FLRT2: variants seen among roughly 807,000 people sequenced by gnomAD.
The protein encoded by FLRT2 is leucine-rich repeat transmembrane protein FLRT2.
Under a neutral mutation model 40.0 loss-of-function variants are expected in FLRT2, and 15 were observed. The ratio of observed to expected loss-of-function variants is 0.38; its 90% CI spans 0.25 to 0.58. The LOEUF is 0.58. Ranked by LOEUF, FLRT2 falls within the 20% of genes least tolerant of loss-of-function variation. FLRT2 has a pLI of 0.71. For missense variants in FLRT2, 726 were observed against 840.0 expected (o/e 0.86, Z 1.68); for synonymous variants, 380 against 336.8 (o/e 1.13, Z -1.41).
At chr14:85,599,113 G>GT (rs1167821866) in intron 1 of FLRT2, among the ~76,000 whole-genome samples, 1 of 151,328 alleles carries the variant, frequency 6.6e-6, no homozygotes, top group African/African-American at 2.4e-5. Context: ...GTAGAGACAG[G>GT]TTTTCACTGT....
chr14:85,567,861 G>A (rs1490340384), intron 1 of FLRT2, among the ~76,000 whole-genome samples: 1 of 151,826 alleles, frequency 6.6e-6, no homozygotes, highest in African/African-American at 2.4e-5. Context: ...GGCTGGTCTC[G>A]AACTCCTGAC....
rs1894309406 is a variant in FLRT2, at chr14:85,646,532, G to C, written c.*23035G>C. On this transcript the variant is annotated 3_prime_UTR_variant, in exon 2 of 2. Coordinates refer to ENST00000330753, the MANE Select transcript of FLRT2 (RefSeq NM_013231.6). The stretch of plus-strand genomic sequence containing the variant: ...AGAAGAAGGTAAAAGTGGGTAGAAT[G>C]GACCATAGTACTTGAATCTTGAGTT... 4 of 152,252 alleles carry C rather than the reference G, an allele frequency of 2.6e-5. No homozygotes were observed. The South Asian group carries it at 8.3e-4, about 32-fold the overall frequency. 9.4% of individuals were successfully genotyped at this position (152,252 alleles called of 1,614,324 possible). A position where few individuals can be genotyped will look rare whatever the true frequency, so the allele number is the denominator to read the frequency against.
At chr14:85,537,785 G>C (rs1025767159) in intron 1 of FLRT2, among the ~76,000 whole-genome samples, 2 of 151,124 alleles carry the variant, frequency 1.3e-5, no homozygotes, top group Admixed American at 1.3e-4. Flanking sequence ...CACTGTACTA[G>C]TAAAATAATC....
intron 1 of FLRT2, among the ~76,000 whole-genome samples, chr14:85,573,004 G>A (rs1446794095): frequency 6.6e-6 from 1 of 151,930 alleles, no homozygotes; most frequent in African/African-American, 2.4e-5. Flanking sequence ...CAGTTTTTTA[G>A]TCATTCCTAT....
intron 1 of FLRT2, among the ~76,000 whole-genome samples, chr14:85,558,691 A>C (rs1470776939): frequency 6.6e-6 from 1 of 152,226 alleles, no homozygotes; most frequent in Non-Finnish European, 1.5e-5. Flanking sequence ...GTAATTGCTC[A>C]GATGAAGGGC....
chr14:85,588,213 C>T (rs1021620059), intron 1 of FLRT2, among the ~76,000 whole-genome samples: 1 of 152,096 alleles, frequency 6.6e-6, no homozygotes, highest in Non-Finnish European at 1.5e-5. Flanking sequence ...CCTCTTATAG[C>T]TTCTTCTCCT....
chr14:85,646,264 T>C lies in FLRT2; in HGVS notation c.*22767T>C, dbSNP rs1319151713. On this transcript the variant is annotated 3_prime_UTR_variant, in exon 2 of 2. Coordinates refer to ENST00000330753, the MANE Select transcript of FLRT2 (RefSeq NM_013231.6). ...ACTTGGATGAAGCTGTAATTGGAAG[T>C]TGAGGACACTGTCATTCAGAATAAG... 6.6e-6 allele frequency: 1 copy of C among 152,194 alleles called. No individual in the cohort carries two copies. The highest frequency in any genetic ancestry group is 1.9e-4 in the East Asian group (1 of 5,186). 9.4% of individuals were successfully genotyped at this position (152,194 alleles called of 1,614,324 possible).
chr14:85,562,620 CTTTTTT>C (rs3830857), intron 1 of FLRT2: 2 of 115,522 alleles, frequency 1.7e-5, no homozygotes, highest in Non-Finnish European at 3.4e-5. Flanking sequence ...TTCTTTCTTT[CTTTTTT>C]TTTTTTTTGA....
chr14:85,579,536 C>T (rs2071870206), intron 1 of FLRT2, among the ~76,000 whole-genome samples: 1 of 152,038 alleles, frequency 6.6e-6, no homozygotes, highest in East Asian at 1.9e-4. Context: ...TCCTGTTGTC[C>T]TCTCTTTTCT....
chr14:85,626,667 C>T lies in FLRT2; in HGVS notation c.*3170C>T, dbSNP rs375731232. The T allele has an allele frequency of 6.0e-6, 1 of 167,052 alleles. No homozygotes were observed. The highest frequency in any genetic ancestry group is 1.5e-5 in the Non-Finnish European group (1 of 68,128). 10.3% of individuals were successfully genotyped at this position (167,052 alleles called of 1,614,324 possible). ...TTAGCAGCCCACTGCATGGGACAATCGCAGGCAGATACGAGGAATGTATCC... is the reference window on the plus strand; with the variant it reads ...TTAGCAGCCCACTGCATGGGACAATTGCAGGCAGATACGAGGAATGTATCC... On this transcript the variant is annotated 3_prime_UTR_variant, in exon 2 of 2. Transcript: ENST00000330753.
intron 1 of FLRT2, among the ~76,000 whole-genome samples, chr14:85,549,497 T>C (rs1889485403): frequency 6.6e-6 from 1 of 152,164 alleles, no homozygotes; most frequent in African/African-American, 2.4e-5. Flanking sequence ...CTGAGGGGAA[T>C]ATCCCATTTC....
chr14:85,549,665 A>C (rs539488302), intron 1 of FLRT2, among the ~76,000 whole-genome samples: 6 of 152,314 alleles, frequency 3.9e-5, no homozygotes, highest in Admixed American at 2.0e-4. Flanking sequence ...AGTAGAGAAA[A>C]AATAATACTC....
At chr14:85,579,947 T>TG (rs1891310956) in intron 1 of FLRT2, among the ~76,000 whole-genome samples, 1 of 150,922 alleles carries the variant, frequency 6.6e-6, no homozygotes, top group East Asian at 1.9e-4. Context: ...TTTTTTTTTT[T>TG]TAAATAAGTG....
intron 1 of FLRT2, among the ~76,000 whole-genome samples, chr14:85,543,007 G>A (rs1889069100): frequency 6.6e-6 from 1 of 152,190 alleles, no homozygotes; most frequent in Non-Finnish European, 1.5e-5. Flanking sequence ...GAGCTGGTTA[G>A]AAATACAGAT....
intron 1 of FLRT2, among the ~76,000 whole-genome samples, chr14:85,548,523 A>G (rs1486481180): frequency 6.6e-6 from 1 of 152,258 alleles, no homozygotes; most frequent in African/African-American, 2.4e-5. Context: ...TGAATTATTA[A>G]GCTGAGGCTT....
At chr14:85,615,758 C>T (rs1179681042) in intron 1 of FLRT2, among the ~76,000 whole-genome samples, 1 of 48,894 alleles carries the variant, frequency 2.0e-5, no homozygotes, top group African/African-American at 1.3e-4. Flanking sequence ...CTCATTGTAT[C>T]ACTTCATGCA....
chr14:85,605,130 T>G (rs920828122), intron 1 of FLRT2, among the ~76,000 whole-genome samples: 1 of 152,196 alleles, frequency 6.6e-6, no homozygotes, highest in African/African-American at 2.4e-5. Context: ...TTCCAGCTAA[T>G]TTGATTAAAA....
At chr14:85,617,860 C>G (rs1286628906) in intron 1 of FLRT2, among the ~76,000 whole-genome samples, 2 of 152,160 alleles carry the variant, frequency 1.3e-5, no homozygotes, top group Non-Finnish European at 2.9e-5. Flanking sequence ...ACATTGTGGT[C>G]TAGATGGGAC....
At chr14:85,530,970 G>T (rs934930907) in intron 1 of FLRT2, among the ~76,000 whole-genome samples, 1 of 152,116 alleles carries the variant, frequency 6.6e-6, no homozygotes, top group Non-Finnish European at 1.5e-5. Context: ...TCAGGCTGTT[G>T]TATCTAAAGA....
Sources: gnomAD v4.1 joint callset for allele counts (sites outside exome capture counted in the v4.1 genomes callset) on GRCh38, gnomAD v4.1.1 for gene constraint, MANE v1.5 for transcripts, NCBI Gene and HGNC (gene_info 2026-07-23, HGNC 2026-07-21) for gene names.